Variants in SPECC1 observed in about 807,000 individuals in gnomAD.
SPECC1 encodes the protein cytospin-B.
In SPECC1, 62 loss-of-function variants were observed where a neutral mutation model predicts 104.1. The ratio of observed to expected loss-of-function variants is 0.60; its 90% CI spans 0.49 to 0.74. SPECC1 has a LOEUF of 0.74. Among genes scored for constraint, SPECC1 ranks in the 30% least tolerant of loss-of-function variants. The pLI, the probability that SPECC1 is intolerant of heterozygous loss-of-function variation, is 0.00. For missense variants in SPECC1, 1,306 were observed against 1,310.5 expected (o/e 1.00, Z 0.05); for synonymous variants, 513 against 501.6 (o/e 1.02, Z -0.30).
chr17:20,144,913 A>G (rs1435963328), intron 3 of SPECC1, among the ~76,000 whole-genome samples: 1 of 152,198 alleles, frequency 6.6e-6, no homozygotes, highest in African/African-American at 2.4e-5. Context: ...GTATAGTTTT[A>G]TAGTGATTGA....
intron 4 of SPECC1, among the ~76,000 whole-genome samples, chr17:20,210,148 T>C (rs1332524284): frequency 6.6e-6 from 1 of 152,104 alleles, no homozygotes; most frequent in Non-Finnish European, 1.5e-5. Context: ...ATGTGGCAAA[T>C]AGATGATCCT....
At chr17:20,041,017 T>G (rs747366156) in intron 1 of SPECC1, among the ~76,000 whole-genome samples, 1 of 151,520 alleles carries the variant, frequency 6.6e-6, no homozygotes, top group Non-Finnish European at 1.5e-5. Context: ...CTCCTTCCCT[T>G]CCTTCCTTCC....
At chr17:20,304,468 A>G (rs1383618657) in intron 13 of SPECC1, among the ~76,000 whole-genome samples, 3 of 152,208 alleles carry the variant, frequency 2.0e-5, no homozygotes, top group Non-Finnish European at 2.9e-5. Flanking sequence ...AACAAACATC[A>G]GAGAATAGCC....
intron 3 of SPECC1, among the ~76,000 whole-genome samples, chr17:20,156,665 C>G (rs952530615): frequency 2.0e-5 from 3 of 152,100 alleles, no homozygotes; most frequent in Non-Finnish European, 2.9e-5. Flanking sequence ...CTCACACTCA[C>G]GCCAGGGCTG....
intron 3 of SPECC1, among the ~76,000 whole-genome samples, chr17:20,197,255 T>C (rs573147995): frequency 1.3e-4 from 20 of 152,228 alleles, no homozygotes; most frequent in Non-Finnish European, 2.6e-4. Context: ...ATTTTAACCA[T>C]AGCACTCTTT....
intron 2 of SPECC1, among the ~76,000 whole-genome samples, chr17:20,105,899 G>A (rs1403480406): frequency 6.6e-6 from 1 of 152,204 alleles, no homozygotes; most frequent in Non-Finnish European, 1.5e-5. Context: ...TGGGATCTCC[G>A]AGGGGGTTTC....
intron 1 of SPECC1, among the ~76,000 whole-genome samples, chr17:20,078,162 A>G (rs896647379): frequency 6.6e-6 from 1 of 150,544 alleles, no homozygotes; most frequent in Non-Finnish European, 1.5e-5. Flanking sequence ...ACAACCTTTC[A>G]TGTAATCTTG....
At chr17:20,211,772 G>A (rs997507498) in intron 4 of SPECC1, among the ~76,000 whole-genome samples, 7 of 152,206 alleles carry the variant, frequency 4.6e-5, no homozygotes, top group African/African-American at 9.7e-5. Flanking sequence ...CTGTGGCTCC[G>A]ACCCCTTGCT....
chr17:20,236,833 C>A, intron 7 of SPECC1: 1 of 1,613,646 alleles, frequency 6.2e-7, no homozygotes, highest in Non-Finnish European at 8.5e-7. Context: ...CCTTTACAGC[C>A]TCTCCCTCCC....
At chr17:20,016,993 A>T (rs1398172992) in intron 1 of SPECC1, among the ~76,000 whole-genome samples, 1 of 152,266 alleles carries the variant, frequency 6.6e-6, no homozygotes, top group African/African-American at 2.4e-5. Context: ...ACCAATCAGC[A>T]CTCTGTCAAA....
intron 1 of SPECC1, among the ~76,000 whole-genome samples, chr17:20,040,990 C>T (rs1442780320): frequency 2.0e-5 from 3 of 151,872 alleles, no homozygotes; most frequent in African/African-American, 4.8e-5. Context: ...AGACTTTCTC[C>T]CTCACTCCTT....
At chr17:20,257,890 A>G (rs975744977) in intron 11 of SPECC1, among the ~76,000 whole-genome samples, 7 of 152,222 alleles carry the variant, frequency 4.6e-5, no homozygotes, top group Admixed American at 4.6e-4. Flanking sequence ...GTTTCTGCCA[A>G]GGGCTCTAAA....
chr17:20,059,654 T>C (rs1468240073), intron 1 of SPECC1, among the ~76,000 whole-genome samples: 3 of 152,204 alleles, frequency 2.0e-5, no homozygotes, highest in Non-Finnish European at 2.9e-5. Flanking sequence ...CCTTGGTCGT[T>C]GTATATGAAC....
chr17:20,186,288 G>T (rs1406680486), intron 3 of SPECC1, among the ~76,000 whole-genome samples: 5 of 152,090 alleles, frequency 3.3e-5, no homozygotes, highest in African/African-American at 9.7e-5. Context: ...ACACTATATT[G>T]TAGTCTGTTA....
At chr17:20,019,886 G>T (rs530752169) in intron 1 of SPECC1, among the ~76,000 whole-genome samples, 4 of 151,152 alleles carry the variant, frequency 2.6e-5, no homozygotes, top group Non-Finnish European at 5.9e-5. Context: ...CTTCTTTTCC[G>T]TGGTTTTATT....
chr17:20,239,603 C>T (rs1040346289), intron 7 of SPECC1, among the ~76,000 whole-genome samples: 1 of 151,908 alleles, frequency 6.6e-6, no homozygotes, highest in African/African-American at 2.4e-5. Flanking sequence ...ATGAGTAATG[C>T]TATAATAGCA....
At chr17:20,028,150 C>A (rs556389937) in intron 1 of SPECC1, among the ~76,000 whole-genome samples, 1 of 151,898 alleles carries the variant, frequency 6.6e-6, no homozygotes, top group African/African-American at 2.4e-5. Flanking sequence ...ATCTGATTAT[C>A]CCAGACCTAT....
chr17:20,043,936 A>G (rs552784864), intron 1 of SPECC1, among the ~76,000 whole-genome samples: 1 of 152,244 alleles, frequency 6.6e-6, no homozygotes, highest in African/African-American at 2.4e-5. Context: ...TGTCTCCTCT[A>G]TCTGGCTGAC....
intron 1 of SPECC1, among the ~76,000 whole-genome samples, chr17:20,067,760 A>G (rs2046408034): frequency 2.6e-5 from 4 of 152,162 alleles, no homozygotes; most frequent in Admixed American, 2.0e-4. Context: ...AGTGAACAAT[A>G]TGGTGATTTG....
Sources: allele counts gnomAD v4.1 joint callset (sites outside exome capture counted in the v4.1 genomes callset), GRCh38; gene constraint gnomAD v4.1.1; transcripts MANE v1.5; gene names NCBI Gene and HGNC (gene_info 2026-07-23, HGNC 2026-07-21).